The following MAP2K6 variants were observed in gnomAD, a reference collection of about 807,000 sequenced individuals.
MAP2K6 encodes the protein dual specificity mitogen-activated protein kinase kinase 6.
MAP2K6 carries 16 observed loss-of-function variants against 53.7 expected under a neutral mutation model. That is an observed-to-expected ratio of 0.30 (90% CI 0.20 to 0.45). The LOEUF (loss-of-function observed/expected upper bound fraction) is 0.45. Ranked by LOEUF, MAP2K6 falls within the 20% of genes least tolerant of loss-of-function variation. MAP2K6 has a pLI of 1.00. For missense variants in MAP2K6, 204 were observed against 411.9 expected, an observed-to-expected ratio of 0.50 and a Z score of 4.37; for synonymous variants, 132 against 143.1, an observed-to-expected ratio of 0.92 and a Z score of 0.55.
chr17:69,450,155 G>A (rs1907170706), intron 1 of MAP2K6, among the ~76,000 whole-genome samples: 1 of 138,740 alleles, frequency 7.2e-6, no homozygotes, highest in Non-Finnish European at 1.5e-5. Context: ...GTTTCACCAT[G>A]TTGGCCAGGC....
At chr17:69,499,383 T>A (rs1172487520) in intron 1 of MAP2K6, among the ~76,000 whole-genome samples, 1 of 152,230 alleles carries the variant, frequency 6.6e-6, no homozygotes, top group Non-Finnish European at 1.5e-5. Flanking sequence ...ACACACTGTG[T>A]CAATCGAGTC....
rs142791117 is a variant in MAP2K6 at position 69,507,238 on chromosome 17, A to C, written c.83+1392A>C. Among the ~76,000 whole-genome samples the C allele has an allele frequency of 3.1e-3, 474 of 152,290 alleles. 3 individuals carry two copies. Among genetic ancestry groups the C allele is most frequent in the African/African-American group, 0.011 (443 of 41,562 alleles). On this transcript the variant is annotated intron_variant, in intron 2 of 11. Transcript: ENST00000590474. The stretch of plus-strand genomic sequence containing the variant: ...CAAACTCCCCCGCCATCCCAAGTTA[A>C]CATCTTACACAACTATAATACATTA...
chr17:69,533,847 A>AAAC (rs1206193195), intron 10 of MAP2K6, among the ~76,000 whole-genome samples: 3 of 151,940 alleles, frequency 2.0e-5, no homozygotes, highest in African/African-American at 7.3e-5. Context: ...ACTTAGAAAG[A>AAAC]AACACTTTTG....
intron 1 of MAP2K6, among the ~76,000 whole-genome samples, chr17:69,453,275 G>A (rs1907290609): frequency 6.6e-6 from 1 of 152,182 alleles, no homozygotes; most frequent in Non-Finnish European, 1.5e-5. Flanking sequence ...TTAAAATTTT[G>A]CAGGCCATAC....
intron 8 of MAP2K6, 60 bp from the exon 9 acceptor site, chr17:69,524,841 G>T: frequency 7.6e-7 from 1 of 1,307,808 alleles, no homozygotes; most frequent in East Asian, 2.3e-5. Flanking sequence ...AGAGACTATT[G>T]AGCTAAGAAC....
intron 1 of MAP2K6, among the ~76,000 whole-genome samples, chr17:69,447,144 A>AT (rs1162790676): frequency 6.6e-6 from 1 of 150,726 alleles, no homozygotes; most frequent in Non-Finnish European, 1.5e-5. Context: ...CGCCTGGCTA[A>AT]TTTTTTGTAT....
chr17:69,445,121 G>A (rs1366985192), intron 1 of MAP2K6, among the ~76,000 whole-genome samples: 2 of 151,966 alleles, frequency 1.3e-5, no homozygotes, highest in African/African-American at 2.4e-5. Context: ...GGGTTTCACC[G>A]TGGTGGCCAG....
At chr17:69,513,633 G>GT (rs141916486) in intron 2 of MAP2K6, among the ~76,000 whole-genome samples, 5,295 of 151,886 alleles carry the variant, frequency 0.035, 263 homozygotes, top group African/African-American at 0.1. Flanking sequence ...TTTATTTTTT[G>GT]TTTTTTTACA....
At chr17:69,531,697 A>C (rs958317015) in intron 10 of MAP2K6, among the ~76,000 whole-genome samples, 3 of 152,158 alleles carry the variant, frequency 2.0e-5, no homozygotes, top group African/African-American at 7.2e-5. Context: ...CAAACCCACA[A>C]TGGTTTCTTA....
chr17:69,512,611 A>G (rs1909914416), intron 2 of MAP2K6, among the ~76,000 whole-genome samples: 1 of 152,096 alleles, frequency 6.6e-6, no homozygotes, highest in Non-Finnish European at 1.5e-5. Flanking sequence ...TGTTGGGATT[A>G]CAGGCGTGAG....
chr17:69,418,536 TTTCTA>T (rs1291100276), intron 1 of MAP2K6, among the ~76,000 whole-genome samples: 2 of 152,232 alleles, frequency 1.3e-5, no homozygotes, highest in African/African-American at 4.8e-5. Flanking sequence ...GGACTTTTTT[TTTCTA>T]TCTATGTGTA....
At chr17:69,533,159 C>A (rs1911173294) in intron 10 of MAP2K6, among the ~76,000 whole-genome samples, 3 of 152,082 alleles carry the variant, frequency 2.0e-5, no homozygotes, top group Admixed American at 6.6e-5. Context: ...GAACTCCTGA[C>A]CTCAAGTGAG....
intron 1 of MAP2K6, among the ~76,000 whole-genome samples, chr17:69,479,106 A>G (rs976831674): frequency 6.6e-6 from 1 of 152,178 alleles, no homozygotes; most frequent in Non-Finnish European, 1.5e-5. Context: ...TTGTGTAAAC[A>G]CTCAGAAGGA....
chr17:69,414,763 T>C lies in MAP2K6; in HGVS notation c.-222T>C. 1.9e-6 allele frequency: 1 copy of C among 527,994 alleles called. No individual in the cohort carries two copies. Among genetic ancestry groups the C allele is most frequent in the Non-Finnish European group, 3.4e-6 (1 of 294,434 alleles). The allele number at this position is 527,994 out of a possible 1,614,324, so 32.7% of individuals were successfully genotyped here. On this transcript the variant is annotated 5_prime_UTR_variant, in exon 1 of 12. Coordinates refer to ENST00000590474, the MANE Select transcript of MAP2K6 (RefSeq NM_002758.4). ...CATGTAGCTGCAGCACAGCCTTCCCTAACGTTGCAACTGGGGGAAAAATCA... is the reference window on the plus strand; with the variant it reads ...CATGTAGCTGCAGCACAGCCTTCCCCAACGTTGCAACTGGGGGAAAAATCA...
At chr17:69,528,588 G>T (rs762004326) in intron 10 of MAP2K6, among the ~76,000 whole-genome samples, 4 of 152,032 alleles carry the variant, frequency 2.6e-5, no homozygotes, top group Non-Finnish European at 4.4e-5. Context: ...GCCGGGCGTG[G>T]TGGCTCACGC....
intron 1 of MAP2K6, among the ~76,000 whole-genome samples, chr17:69,466,296 A>C (rs1907805353): frequency 1.3e-5 from 2 of 151,722 alleles, no homozygotes; most frequent in Non-Finnish European, 2.9e-5. Flanking sequence ...TCAAAAAAAA[A>C]AAAAAAGAAA....
intron 1 of MAP2K6, among the ~76,000 whole-genome samples, chr17:69,479,615 A>G (rs765394831): frequency 5.3e-5 from 8 of 152,144 alleles, no homozygotes; most frequent in Non-Finnish European, 1.0e-4. Flanking sequence ...TTTCAGTAAC[A>G]TGACAGAATC....
At chr17:69,479,640 G>A (rs1908278454) in intron 1 of MAP2K6, among the ~76,000 whole-genome samples, 1 of 151,978 alleles carries the variant, frequency 6.6e-6, no homozygotes, top group Non-Finnish European at 1.5e-5. Flanking sequence ...CAATGACTTG[G>A]AGGCTTATGT....
intron 1 of MAP2K6, among the ~76,000 whole-genome samples, chr17:69,440,874 TGTTTTCTTTA>T (rs1268646888): frequency 1.3e-5 from 2 of 152,196 alleles, no homozygotes; most frequent in African/African-American, 4.8e-5. Flanking sequence ...CTTTCAAGAT[TGTTTTCTTTA>T]GTTTTCTGGT....
Sources: allele counts gnomAD v4.1 joint callset (sites outside exome capture counted in the v4.1 genomes callset), GRCh38; gene constraint gnomAD v4.1.1; transcripts MANE v1.5; gene names NCBI Gene and HGNC (gene_info 2026-07-23, HGNC 2026-07-21).